Variants in FTO observed in about 807,000 individuals in gnomAD.
The protein encoded by FTO is FTO alpha-ketoglutarate dependent dioxygenase, also known as alpha-ketoglutarate-dependent dioxygenase FTO.
Under a neutral mutation model 63.9 loss-of-function variants are expected in FTO, and 47 were observed. That is an observed-to-expected ratio of 0.74 (90% confidence interval 0.58 to 0.94). FTO has a LOEUF of 0.94. Among genes scored for constraint, FTO ranks in the 40% least tolerant of loss-of-function variants. The probability of loss-of-function intolerance (pLI) is 0.00; values close to 1 mark genes in which losing one functional copy is unlikely to be tolerated. For missense variants in FTO, 562 were observed against 618.1 expected (o/e 0.91, Z 0.96); for synonymous variants, 207 against 224.4 (o/e 0.92, Z 0.69).
intron 7 of FTO, among the ~76,000 whole-genome samples, chr16:53,910,622 C>T (rs141106622): frequency 0.016 from 2,392 of 151,996 alleles, 48 homozygotes; most frequent in African/African-American, 0.054. Context: ...CTGCAACCTC[C>T]GCCTCCCAGG....
intron 3 of FTO, among the ~76,000 whole-genome samples, chr16:53,829,667 C>G (rs2079094440): frequency 6.6e-6 from 1 of 152,008 alleles, no homozygotes; most frequent in African/African-American, 2.4e-5. Flanking sequence ...TTTTCTGTGT[C>G]CTTGAACTTG....
chr16:54,050,372 A>T (rs972204914), intron 8 of FTO, among the ~76,000 whole-genome samples: 1 of 152,130 alleles, frequency 6.6e-6, no homozygotes, highest in Non-Finnish European at 1.5e-5. Context: ...CATCTTGGAG[A>T]TCAGCTTCTT....
chr16:53,710,905 G>A (rs527249535), intron 1 of FTO, among the ~76,000 whole-genome samples: 54 of 152,224 alleles, frequency 3.5e-4, no homozygotes, highest in South Asian at 6.2e-4. Flanking sequence ...GTGTAGTGTG[G>A]AGCTTTAGAT....
intron 1 of FTO, among the ~76,000 whole-genome samples, chr16:53,792,075 C>CAAAA: frequency 7.2e-6 from 1 of 138,596 alleles, no homozygotes; most frequent in Admixed American, 7.5e-5. Context: ...GACTTCGTCT[C>CAAAA]AAAAAAAAAA....
chr16:53,929,150 C>T (rs1001701264), intron 7 of FTO, among the ~76,000 whole-genome samples: 11 of 152,122 alleles, frequency 7.2e-5, no homozygotes, highest in African/African-American at 2.7e-4. Context: ...TGAGTTTTAA[C>T]ATCTGTATAA....
chr16:53,718,828 A>G (rs1331729692), intron 1 of FTO, among the ~76,000 whole-genome samples: 1 of 152,162 alleles, frequency 6.6e-6, no homozygotes, highest in Non-Finnish European at 1.5e-5. Flanking sequence ...GTCTTTTAAT[A>G]TATTGCTGAA....
intron 8 of FTO, chr16:54,039,540 C>G (rs1358872412): frequency 6.6e-6 from 1 of 152,206 alleles, no homozygotes; most frequent in Non-Finnish European, 1.5e-5. Context: ...GTTTTTCATT[C>G]AACAGACTAC....
chr16:53,861,733 C>T (rs2151855144), intron 4 of FTO, among the ~76,000 whole-genome samples: 1 of 152,122 alleles, frequency 6.6e-6, no homozygotes, highest in African/African-American at 2.4e-5. Flanking sequence ...TGCGTTTATG[C>T]TTACTGCTAG....
intron 4 of FTO, among the ~76,000 whole-genome samples, chr16:53,862,189 A>C (rs768288332): frequency 6.6e-5 from 10 of 152,132 alleles, no homozygotes; most frequent in Non-Finnish European, 1.2e-4. Flanking sequence ...CAGAGGTTGC[A>C]GTGAGCTGAG....
At position 53,979,416 on chromosome 16, in the gene FTO, C is replaced by T. The variant is rs543810217; in HGVS notation, c.1364+45307C>T. ...ATTCATCAAGAGAGAATGCCTCTCCCATCTCAAGTTTGGCAGCATGGAATA... is the reference window on the plus strand; with the variant it reads ...ATTCATCAAGAGAGAATGCCTCTCCTATCTCAAGTTTGGCAGCATGGAATA... On this transcript the variant is annotated intron_variant, in intron 8 of 8. Coordinates refer to ENST00000471389, the MANE Select transcript of FTO (RefSeq NM_001080432.3). The T allele has an allele frequency of 1.8e-5, 7 of 398,566 alleles. No homozygotes were observed. The South Asian group carries it at 6.4e-4, about 36-fold the overall frequency. The allele number at this position is 398,566 out of a possible 1,614,324, so 24.7% of individuals were successfully genotyped here. A position where few individuals can be genotyped will look rare whatever the true frequency, so the allele number is the denominator to read the frequency against.
chr16:53,958,401 G>A (rs1206746588), intron 8 of FTO, among the ~76,000 whole-genome samples: 1 of 152,160 alleles, frequency 6.6e-6, no homozygotes, highest in African/African-American at 2.4e-5. Flanking sequence ...CACTTCGGCG[G>A]GCAGCCTGGG....
At chr16:53,961,819 T>G (rs1477512945) in intron 8 of FTO, among the ~76,000 whole-genome samples, 1 of 152,210 alleles carries the variant, frequency 6.6e-6, no homozygotes, top group Non-Finnish European at 1.5e-5. Flanking sequence ...TGACAGATAC[T>G]TGGTGGTATC....
intron 1 of FTO, among the ~76,000 whole-genome samples, chr16:53,801,353 A>G (rs1309683450): frequency 1.3e-5 from 2 of 151,560 alleles, no homozygotes; most frequent in African/African-American, 2.4e-5. Flanking sequence ...ACCACAATAT[A>G]CTTTTCATAT....
At chr16:53,888,538 T>G (rs2081068488) in intron 6 of FTO, among the ~76,000 whole-genome samples, 1 of 147,602 alleles carries the variant, frequency 6.8e-6, no homozygotes, top group African/African-American at 2.5e-5. Flanking sequence ...CAGGCTGGGC[T>G]TAAACTCCTG....
At chr16:53,825,833 A>G in intron 2 of FTO, 31 bp from the exon 3 acceptor site, 1 of 1,608,464 alleles carries the variant, frequency 6.2e-7, no homozygotes, top group African/African-American at 1.3e-5. Flanking sequence ...GCTATATATC[A>G]ACGTCTGTTT....
In FTO at chr16:54,111,900, G is replaced by A. The variant is rs1421215513; in HGVS notation, c.1503G>A (p.Leu501=). 1.2e-6 allele frequency: 2 copies of A among 1,613,978 alleles called. No individual in the cohort carries two copies. The highest frequency in any genetic ancestry group is 1.7e-6 in the Non-Finnish European group (2 of 1,180,032). ...DIVSELRGQL[L]EAKP ...TTTCAGAACTCAGAGGTCAGCTTCT[G>A]GAAGCAAAACCCTAGAAGGAGCACA... is the stretch of plus-strand genomic sequence containing the variant. Residue 501 remains leucine, a synonymous_variant, in exon 9 of 9, where the codon CTG becomes CTA. Coordinates refer to ENST00000471389, the MANE Select transcript of FTO (RefSeq NM_001080432.3).
At chr16:53,751,677 G>A (rs1482360311) in intron 1 of FTO, among the ~76,000 whole-genome samples, 4 of 152,078 alleles carry the variant, frequency 2.6e-5, no homozygotes, top group African/African-American at 9.7e-5. Flanking sequence ...ATCGGTGCAG[G>A]GGTTTCTTTT....
intron 8 of FTO, among the ~76,000 whole-genome samples, chr16:54,033,582 C>G (rs576380405): frequency 2.0e-5 from 3 of 152,188 alleles, no homozygotes; most frequent in African/African-American, 7.2e-5. Flanking sequence ...CTTTGGGAGG[C>G]TGACACAGGA....
At chr16:54,048,271 AAAG>A (rs1363142669) in intron 8 of FTO, among the ~76,000 whole-genome samples, 2 of 148,804 alleles carry the variant, frequency 1.3e-5, no homozygotes, top group Admixed American at 6.7e-5. Context: ...AAAAAAAAAA[AAAG>A]AAGCTAAGAT....
Sources: gnomAD v4.1 joint callset for allele counts (sites outside exome capture counted in the v4.1 genomes callset) on GRCh38, gnomAD v4.1.1 for gene constraint, MANE v1.5 for transcripts, NCBI Gene and HGNC (gene_info 2026-07-23, HGNC 2026-07-21) for gene names.